The following NPIPB8 variants were observed in gnomAD, a reference collection of about 807,000 sequenced individuals.
NPIPB8 encodes nuclear pore complex interacting protein family member B8.
A neutral mutation model predicts 5.3 loss-of-function variants in NPIPB8; 3 were observed. That is an observed-to-expected ratio of 0.57 (90% CI 0.26 to 1.47). The LOEUF (loss-of-function observed/expected upper bound fraction) is 1.47. NPIPB8 is among the 40% of genes most tolerant of loss of function. NPIPB8 has a pLI of 0.13. For missense variants in NPIPB8, 50 were observed against 50.2 expected, an observed-to-expected ratio of 1.00 and a Z score of 0.01; for synonymous variants, 18 against 23.0, an observed-to-expected ratio of 0.78 and a Z score of 0.62.
At position 28,643,006 on chromosome 16, in the gene NPIPB8, C is replaced by T. The variant is rs183624333; in HGVS notation, c.120+4526C>T. On this transcript the variant is annotated intron_variant, in intron 2 of 7. Coordinates refer to ENST00000683297, the MANE Select transcript of NPIPB8 (RefSeq NM_001310136.2). ...GGCGGAAGGCCTGTGGGAAGTTTAG[C>T]TGAGGACAGGGCCAGGAAAGGTGAT... Among the ~76,000 whole-genome samples the T allele has an allele frequency of 3.3e-5, 5 of 152,292 alleles. No individual in the cohort carries two copies. In the East Asian group the frequency reaches 9.7e-4, roughly 29 times the overall value.
At position 28,638,452 on chromosome 16, in the gene NPIPB8, T is replaced by A; in HGVS notation, c.92T>A (p.Val31Glu). Residue 31 changes from valine to glutamate, a missense_variant, in exon 2 of 8, where the codon GTG (valine) becomes GAG (glutamate). Val to Glu is a moderately radical substitution (Grantham distance 121). Transcript: ENST00000683297. Reference protein sequence around the residue: ...TKELQQHVKSVTCPCEYLRKV... With the variant: ...TKELQQHVKSETCPCEYLRKV... ...GAGCTGCAGCAGCATGTAAAGTCAG[T>A]GACATGCCCATGCGAGTACCTGAGG... 1 of 1,572,406 alleles carries A rather than the reference T, an allele frequency of 6.4e-7. No individual in the cohort carries two copies. The highest frequency in any genetic ancestry group is 1.8e-5 in the Admixed American group (1 of 55,970).
chr16:28,640,214 C>T (rs1056979349), intron 2 of NPIPB8, among the ~76,000 whole-genome samples: 1 of 151,968 alleles, frequency 6.6e-6, no homozygotes, highest in Non-Finnish European at 1.5e-5. Context: ...ATGGTGCATG[C>T]CTGCTAGGAT....
In NPIPB8 at chr16:28,638,343, C is replaced by G. The variant is rs757505316; in HGVS notation, c.-18C>G. ...AATAGGTTGGCACTCATCATGAGCCCCTGTTCTCATTCTGCAAATGGTGAA... is the reference window on the plus strand; with the variant it reads ...AATAGGTTGGCACTCATCATGAGCCGCTGTTCTCATTCTGCAAATGGTGAA... On this transcript the variant is annotated 5_prime_UTR_variant, in exon 2 of 8. Coordinates refer to ENST00000683297, the MANE Select transcript of NPIPB8 (RefSeq NM_001310136.2). 29 of 1,564,520 alleles carry G rather than the reference C, an allele frequency of 1.9e-5. No individual in the cohort carries two copies. Among genetic ancestry groups the G allele is most frequent in the East Asian group, 1.8e-4 (8 of 43,848 alleles).
At chr16:28,638,032 A>G (rs2047823758), upstream of NPIPB8, 2 of 707,016 alleles carry the variant, frequency 2.8e-6, no homozygotes, top group Admixed American at 4.0e-5. Flanking sequence ...TAATTATGAC[A>G]GAAATGATGA....
chr16:28,639,917 A>T (rs1169964112), intron 2 of NPIPB8, among the ~76,000 whole-genome samples: 1 of 150,402 alleles, frequency 6.6e-6, no homozygotes, highest in South Asian at 2.1e-4. Flanking sequence ...GAATATTGAC[A>T]ATCAGTATGC....
At chr16:28,652,901 CTT>C (rs1197252358) in intron 5 of NPIPB8, among the ~76,000 whole-genome samples, 19 of 90,898 alleles carry the variant, frequency 2.1e-4, no homozygotes, top group South Asian at 1.1e-3. Flanking sequence ...CACACCCAGG[CTT>C]TTTTTTTTTT....
At chr16:28,639,410 C>T (rs1330819926) in intron 2 of NPIPB8, among the ~76,000 whole-genome samples, 1 of 146,126 alleles carries the variant, frequency 6.8e-6, no homozygotes, top group Non-Finnish European at 1.5e-5. Flanking sequence ...CACACACACA[C>T]ACACAGACAC....
In NPIPB8 at chr16:28,651,639, T is replaced by TGTGC. The variant is rs1232599351; in HGVS notation, c.304-315_304-314insCGTG. ...GTGTGTGTGTGTGTGTGTGTGTGTG[T>TGTGC]GTGTGTGAGAGACAGAGTCTCATTC... On this transcript the variant is annotated intron_variant, in intron 3 of 7. Transcript: ENST00000683297. Among the ~76,000 whole-genome samples, 3 of 83,750 alleles carry TGTGC rather than the reference T, an allele frequency of 3.6e-5. 1 individual carries two copies. Among genetic ancestry groups the TGTGC allele is most frequent in the Non-Finnish European group, 6.9e-5 (3 of 43,494 alleles). The allele number at this position is 83,750 out of a possible 152,430, so 54.9% of individuals were successfully genotyped here. A position where few individuals can be genotyped will look rare whatever the true frequency, so the allele number is the denominator to read the frequency against.
At position 28,638,481 on chromosome 16, in the gene NPIPB8, G is replaced by T. The variant is rs755001586; in HGVS notation, c.120+1G>T. ...ATGCCCATGCGAGTACCTGAGGAAG[G>T]TGAGTGAGTGCAGACAAGATGGGGC... On this transcript the variant is annotated splice_donor_variant, in intron 2 of 7. Transcript: ENST00000683297. LOFTEE classifies it high-confidence loss of function. 1.3e-6 allele frequency: 2 copies of T among 1,556,720 alleles called. No homozygotes were observed. The highest frequency in any genetic ancestry group is 1.4e-5 in the African/African-American group (1 of 70,190).
In NPIPB8 at chr16:28,642,545, T is replaced by C. The variant is rs547410271; in HGVS notation, c.120+4065T>C. 9.3e-5 allele frequency among the ~76,000 whole-genome samples: 14 copies of C among 150,550 alleles called. No individual in the cohort carries two copies. The East Asian group carries it at 2.7e-3, about 29-fold the overall frequency. ...TGTCGCCTAGGCTGGAGTGCAGTGGTGCAATCTCGGCTCACTGCAGACTCT... is the reference window on the plus strand; with the variant it reads ...TGTCGCCTAGGCTGGAGTGCAGTGGCGCAATCTCGGCTCACTGCAGACTCT... On this transcript the variant is annotated intron_variant, in intron 2 of 7. Coordinates refer to ENST00000683297, the MANE Select transcript of NPIPB8 (RefSeq NM_001310136.2).
chr16:28,652,760 C>A (rs2151766714), intron 5 of NPIPB8, among the ~76,000 whole-genome samples: 1 of 136,732 alleles, frequency 7.3e-6, no homozygotes, highest in South Asian at 2.2e-4. Context: ...CACCACCATG[C>A]CCAGCTAATT....
At chr16:28,654,668 AC>A (rs2048095797) in intron 5 of NPIPB8, 1 of 121,046 alleles carries the variant, frequency 8.3e-6, no homozygotes, top group Admixed American at 8.4e-5. Flanking sequence ...AGGACATAAC[AC>A]CCTGACTTAG....
intron 2 of NPIPB8, among the ~76,000 whole-genome samples, chr16:28,643,035 C>T (rs1203401849): frequency 1.3e-5 from 2 of 152,108 alleles, no homozygotes; most frequent in African/African-American, 4.8e-5. Context: ...AGGTGATAGA[C>T]AGTGGGGGTC....
intron 2 of NPIPB8, among the ~76,000 whole-genome samples, chr16:28,640,608 G>A (rs2047879354): frequency 6.6e-6 from 1 of 152,124 alleles, no homozygotes; most frequent in South Asian, 2.1e-4. Context: ...CAGCCTGCAT[G>A]GGAGACTGTG....
At chr16:28,644,513 C>A in intron 2 of NPIPB8, 1 of 912,646 alleles carries the variant, frequency 1.1e-6, no homozygotes, top group South Asian at 1.4e-5. Context: ...CATTCCCCGT[C>A]CCCTTCCCTC....
intron 2 of NPIPB8, among the ~76,000 whole-genome samples, chr16:28,642,777 C>A (rs2047927887): frequency 6.6e-6 from 1 of 151,798 alleles, no homozygotes; most frequent in Non-Finnish European, 1.5e-5. Flanking sequence ...CCACCACACC[C>A]AGCCCCTGTT....
intron 2 of NPIPB8, among the ~76,000 whole-genome samples, chr16:28,641,101 C>A (rs1295405117): frequency 6.6e-6 from 1 of 152,012 alleles, no homozygotes; most frequent in African/African-American, 2.4e-5. Flanking sequence ...CTGTGCTAAA[C>A]ACTCTCCCAA....
chr16:28,646,318 C>A (rs980371978), intron 2 of NPIPB8, among the ~76,000 whole-genome samples: 1 of 126,320 alleles, frequency 7.9e-6, no homozygotes, highest in Non-Finnish European at 1.6e-5. Flanking sequence ...TCAAGTGATT[C>A]TTCTGCCTCA....
chr16:28,642,115 T>C (rs1267012564), intron 2 of NPIPB8, among the ~76,000 whole-genome samples: 1 of 151,526 alleles, frequency 6.6e-6, no homozygotes, highest in East Asian at 1.9e-4. Context: ...TTCTTTTTTT[T>C]TTTGAGACAG....
Sources: gnomAD v4.1 joint callset for allele counts (sites outside exome capture counted in the v4.1 genomes callset) on GRCh38, gnomAD v4.1.1 for gene constraint, MANE v1.5 for transcripts, NCBI Gene and HGNC (gene_info 2026-07-23, HGNC 2026-07-21) for gene names.